Variants in RFX7 observed in about 807,000 individuals in gnomAD.
The protein encoded by RFX7 is regulatory factor X7.
Under a neutral mutation model 111.8 loss-of-function variants are expected in RFX7, and 26 were observed. That is an observed-to-expected ratio of 0.23 (90% CI 0.17 to 0.32). RFX7 has a LOEUF of 0.32. RFX7 is among the 10% of genes least tolerant of loss of function. The pLI is 1.00. For synonymous variants in RFX7, 624 were observed against 624.4 expected (o/e 1.00, Z 0.01); for missense variants, 1,573 against 1,772.9 (o/e 0.89, Z 2.02).
intron 4 of RFX7, among the ~76,000 whole-genome samples, chr15:56,143,149 G>C (rs138882944): frequency 3.9e-5 from 6 of 152,178 alleles, no homozygotes; most frequent in African/African-American, 9.6e-5. Context: ...CAAAGTATTT[G>C]TTTTGGTCAA....
intron 5 of RFX7, among the ~76,000 whole-genome samples, chr15:56,108,884 G>C (rs1370178058): frequency 6.6e-6 from 1 of 152,148 alleles, no homozygotes; most frequent in Non-Finnish European, 1.5e-5. Context: ...AAAATCACAA[G>C]CATTCCTATA....
intron 2 of RFX7, among the ~76,000 whole-genome samples, chr15:56,209,196 C>T (rs545150122): frequency 6.6e-6 from 1 of 151,436 alleles, no homozygotes; most frequent in South Asian, 2.1e-4. Context: ...AAAAACATAC[C>T]ATACCTATAC....
chr15:56,142,870 T>C lies in RFX7; in HGVS notation c.309A>G (p.Ala103=), dbSNP rs1232091636. 6.2e-7 allele frequency: 1 copy of C among 1,613,688 alleles called. No individual in the cohort carries two copies. The highest frequency in any genetic ancestry group is 2.2e-5 in the East Asian group (1 of 44,882). ...SDQNAMSSSR[A]QQMHAFSWIR... The stretch of plus-strand genomic sequence containing the variant: ...TCCAGGAAAAGGCATGCATTTGTTG[T>C]GCCCGACTAGATGACATGGCATTCT... The change falls in exon 5 of 10, where the codon GCA becomes GCG. Residue 103 remains alanine (A), a synonymous_variant. Coordinates refer to ENST00000559447, the MANE Select transcript of RFX7 (RefSeq NM_022841.7).
chr15:56,204,688 C>CTTGAAT (rs2043233311), intron 2 of RFX7, among the ~76,000 whole-genome samples: 59 of 152,244 alleles, frequency 3.9e-4, no homozygotes, highest in Admixed American at 3.7e-3. Flanking sequence ...TCTACCCATA[C>CTTGAAT]CTACATTCAA....
At chr15:56,138,520 A>C (rs1208716668) in intron 5 of RFX7, among the ~76,000 whole-genome samples, 4 of 149,272 alleles carry the variant, frequency 2.7e-5, no homozygotes, top group African/African-American at 9.8e-5. Context: ...TCTGCACGTG[A>C]GATGGGTTTC....
intron 2 of RFX7, among the ~76,000 whole-genome samples, chr15:56,222,744 A>G (rs2043440298): frequency 2.0e-5 from 3 of 152,086 alleles, no homozygotes; most frequent in Admixed American, 6.5e-5. Flanking sequence ...CTTTGAGCCT[A>G]TTTACCAGAG....
intron 2 of RFX7, among the ~76,000 whole-genome samples, chr15:56,217,998 CAG>C (rs775197207): frequency 1.3e-5 from 2 of 151,750 alleles, no homozygotes; most frequent in East Asian, 3.9e-4. Flanking sequence ...TGAAAACACT[CAG>C]GGGGAAAAAA....
intron 2 of RFX7, among the ~76,000 whole-genome samples, chr15:56,186,024 G>C (rs562238526): frequency 6.6e-6 from 1 of 152,002 alleles, no homozygotes; most frequent in African/African-American, 2.4e-5. Flanking sequence ...ATTTGTATAC[G>C]GATTTATTGA....
In RFX7 at chr15:56,095,570, C is replaced by G; in HGVS notation, c.2158G>C (p.Val720Leu). The change falls in exon 10 of 10, where the codon GTA becomes CTA. Residue 720 changes from valine to leucine, a missense_variant. Val to Leu is a conservative substitution (Grantham distance 32). Transcript: ENST00000559447. ...AGAQIPSKVS[V>L]NVSSHIGANQ... Reference sequence around the variant, plus strand: ...GCTCCTATGTGTGAACTGACATTTACTGATACCTTGCTAGGAATCTGAGCA... The same window carrying G: ...GCTCCTATGTGTGAACTGACATTTAGTGATACCTTGCTAGGAATCTGAGCA... 1 of 1,613,984 alleles carries G rather than the reference C, an allele frequency of 6.2e-7. No homozygotes were observed. The highest frequency in any genetic ancestry group is 8.5e-7 in the Non-Finnish European group (1 of 1,179,868).
At chr15:56,142,678 C>T in intron 5 of RFX7, 100 bp downstream of exon 5, 1 of 1,049,572 alleles carries the variant, frequency 9.5e-7, no homozygotes, top group Middle Eastern at 3.0e-4. Flanking sequence ...TTCCCATATA[C>T]CAGCTTGATA....
chr15:56,109,808 A>G (rs1382226953), intron 5 of RFX7, among the ~76,000 whole-genome samples: 12 of 147,998 alleles, frequency 8.1e-5, no homozygotes, highest in Non-Finnish European at 1.5e-4. Context: ...CCCTCCGCCC[A>G]GCAGCCGCCC....
chr15:56,101,685 T>C (rs1434678670), intron 7 of RFX7, 119 bp from the exon 8 acceptor site: 3 of 951,820 alleles, frequency 3.2e-6, no homozygotes, highest in Non-Finnish European at 4.7e-6. Context: ...GTTAAAGTAG[T>C]ATGAATTGAC....
At chr15:56,214,068 A>C (rs1427105720) in intron 2 of RFX7, among the ~76,000 whole-genome samples, 1 of 152,042 alleles carries the variant, frequency 6.6e-6, no homozygotes, top group African/African-American at 2.4e-5. Context: ...ATCATGCATG[A>C]GTTTTTTTCT....
rs551220489 is a variant in RFX7, at chr15:56,147,520, T to G, written c.196-3037A>C. On this transcript the variant is annotated intron_variant, in intron 3 of 9. Coordinates refer to ENST00000559447, the MANE Select transcript of RFX7 (RefSeq NM_022841.7). ...TACTTGTACAACACAGTTAATGTAC[T>G]AAATATCACTAATGGTAAATTTTAT... Among the ~76,000 whole-genome samples, 5 of 152,336 alleles carry G rather than the reference T, an allele frequency of 3.3e-5. No homozygotes were observed. The East Asian group carries it at 9.6e-4, about 29-fold the overall frequency.
At chr15:56,236,318 C>G (rs767185393) in intron 2 of RFX7, among the ~76,000 whole-genome samples, 4 of 152,112 alleles carry the variant, frequency 2.6e-5, no homozygotes, top group Non-Finnish European at 5.9e-5. Flanking sequence ...TCATAGTCAG[C>G]AAGTAAGTGC....
intron 8 of RFX7, among the ~76,000 whole-genome samples, chr15:56,101,079 AAGT>A (rs1357719501): frequency 1.3e-5 from 2 of 152,212 alleles, no homozygotes; most frequent in South Asian, 2.1e-4. Context: ...ATAAATGTAA[AAGT>A]AGCAATGGAA....
chr15:56,193,668 A>G (rs2043120601), intron 2 of RFX7, among the ~76,000 whole-genome samples: 1 of 152,190 alleles, frequency 6.6e-6, no homozygotes, highest in Non-Finnish European at 1.5e-5. Flanking sequence ...ATCTTTCAAG[A>G]TTTACATCTC....
intron 2 of RFX7, among the ~76,000 whole-genome samples, chr15:56,182,621 T>C (rs1347904172): frequency 6.6e-6 from 1 of 152,194 alleles, no homozygotes; most frequent in African/African-American, 2.4e-5. Flanking sequence ...TTTCTACAAT[T>C]TTTTAATTCA....
chr15:56,196,615 C>T (rs968485284), intron 2 of RFX7, among the ~76,000 whole-genome samples: 37 of 151,954 alleles, frequency 2.4e-4, no homozygotes, highest in African/African-American at 7.0e-4. Flanking sequence ...TCTGATGGAA[C>T]GGATACAGCA....
Sources: gnomAD v4.1 joint callset for allele counts (sites outside exome capture counted in the v4.1 genomes callset) on GRCh38, gnomAD v4.1.1 for gene constraint, MANE v1.5 for transcripts, NCBI Gene and HGNC (gene_info 2026-07-23, HGNC 2026-07-21) for gene names.